The following BMP2K variants were observed in gnomAD, a reference collection of about 807,000 sequenced individuals.
BMP2K encodes BMP-2-inducible protein kinase.
Under a neutral mutation model 116.0 loss-of-function variants are expected in BMP2K, and 74 were observed. The observed-to-expected ratio is 0.64, with a 90% CI of 0.53 to 0.77. The LOEUF (loss-of-function observed/expected upper bound fraction) is 0.77, where lower values mean the gene tolerates loss of function less well. BMP2K is among the 30% of genes least tolerant of loss of function. The pLI, the probability that BMP2K is intolerant of heterozygous loss-of-function variation, is 0.00. For missense variants in BMP2K, 1,365 were observed against 1,403.6 expected (o/e 0.97, Z 0.44); for synonymous variants, 486 against 502.5 (o/e 0.97, Z 0.44).
intron 1 of BMP2K, among the ~76,000 whole-genome samples, chr4:78,808,794 AT>A: frequency 6.6e-6 from 1 of 151,542 alleles, no homozygotes. Context: ...TTGATTTCTA[AT>A]TTACTTTTAT....
chr4:78,783,523 A>G (rs1727601324), intron 1 of BMP2K, among the ~76,000 whole-genome samples: 1 of 152,202 alleles, frequency 6.6e-6, no homozygotes, highest in African/African-American at 2.4e-5. Context: ...TAAATTGTAC[A>G]GGATGGGCAT....
At chr4:78,826,265 G>A in intron 2 of BMP2K, 110 bp downstream of exon 2, 7 of 768,024 alleles carry the variant, frequency 9.1e-6, no homozygotes, top group Non-Finnish European at 1.5e-5. Flanking sequence ...GCAGTGGCGT[G>A]ATCTCAGCTC....
At chr4:78,818,233 G>T (rs1553914860) in intron 1 of BMP2K, among the ~76,000 whole-genome samples, 1 of 150,832 alleles carries the variant, frequency 6.6e-6, no homozygotes, top group Non-Finnish European at 1.5e-5. Flanking sequence ...TCAACCCTTT[G>T]GATATATACC....
intron 13 of BMP2K, among the ~76,000 whole-genome samples, chr4:78,873,658 C>CTGTGTGTGTGTG (rs377226626): frequency 1.6e-3 from 223 of 139,536 alleles, no homozygotes; most frequent in Non-Finnish European, 2.9e-3. Context: ...CTCCCAACCT[C>CTGTGTGTGTGTG]TGTGTGTGTG....
rs942315705 is a variant in BMP2K at position 78,776,627 on chromosome 4, C to T, written c.84C>T (p.Ala28=). The stretch of plus-strand genomic sequence containing the variant: ...GTGGCGGGGCTGGCGGGGCCGGGGC[C>T]GGGGCCGGCTGCGGCTCCGGCGGCT... ...AAGGGAGGAG[A]GAGCGSGGSS... is the part of the protein sequence containing the mutation. The change falls in exon 1 of 16, where the codon GCC becomes GCT. Residue 28 remains alanine, a synonymous_variant. Transcript: ENST00000502613. 4.1e-6 allele frequency: 5 copies of T among 1,208,778 alleles called. No individual in the cohort carries two copies. The highest frequency in any genetic ancestry group is 8.3e-5 in the South Asian group (2 of 24,120). The allele number at this position is 1,208,778 out of a possible 1,614,324, so 74.9% of individuals were successfully genotyped here. A position where few individuals can be genotyped will look rare whatever the true frequency, so the allele number is the denominator to read the frequency against.
At chr4:78,804,082 C>G (rs1413707692) in intron 1 of BMP2K, among the ~76,000 whole-genome samples, 1 of 152,106 alleles carries the variant, frequency 6.6e-6, no homozygotes, top group Non-Finnish European at 1.5e-5. Context: ...TCATCAACCC[C>G]CAAAGAAACC....
intron 14 of BMP2K, among the ~76,000 whole-genome samples, chr4:78,886,831 T>C (rs746763045): frequency 2.0e-5 from 3 of 152,250 alleles, no homozygotes; most frequent in Admixed American, 6.5e-5. Flanking sequence ...TTTTGGAGAC[T>C]GTCTGTCAAA....
chr4:78,911,078 C>G lies in BMP2K; in HGVS notation c.2531C>G (p.Ser844Cys). 6.2e-7 allele frequency: 1 copy of G among 1,613,998 alleles called. No individual in the cohort carries two copies. Among genetic ancestry groups the G allele is most frequent in the East Asian group, 2.2e-5 (1 of 44,874 alleles). Reference protein sequence around the residue: ...TILLTSAQLSSDVAVETPKQE... With the variant: ...TILLTSAQLSCDVAVETPKQE... ...CTCCTCACCTCAGCCCAATTATCCT[C>G]TGATGTTGCAGTGGAGACTCCCAAA... Residue 844 changes from serine (S) to cysteine (C), a missense_variant, in exon 16 of 16, where the codon TCT becomes TGT. Physicochemically the swap from Ser to Cys is moderately radical, Grantham distance 112 (BLOSUM62 -1). Coordinates refer to ENST00000502613, the MANE Select transcript of BMP2K (RefSeq NM_198892.2).
At chr4:78,877,493 T>C (rs1732687165) in intron 13 of BMP2K, among the ~76,000 whole-genome samples, 1 of 152,156 alleles carries the variant, frequency 6.6e-6, no homozygotes, top group African/African-American at 2.4e-5. Context: ...TCAATATCAC[T>C]GTCTTCCACC....
At chr4:78,892,370 G>T (rs943024540) in intron 15 of BMP2K, among the ~76,000 whole-genome samples, 1 of 152,142 alleles carries the variant, frequency 6.6e-6, no homozygotes, top group Non-Finnish European at 1.5e-5. Flanking sequence ...TTATTGACGT[G>T]AAGTTTTTAA....
chr4:78,823,890 A>G (rs553883291), intron 1 of BMP2K, among the ~76,000 whole-genome samples: 1 of 152,304 alleles, frequency 6.6e-6, no homozygotes, highest in Admixed American at 6.5e-5. Context: ...CTCTTTATCT[A>G]GATAAATTCT....
At chr4:78,863,418 T>TTCAA in intron 9 of BMP2K, among the ~76,000 whole-genome samples, 1 of 152,106 alleles carries the variant, frequency 6.6e-6, no homozygotes. Context: ...ATTCTTTGCC[T>TTCAA]TCTTAAAAGG....
Position 78,872,646 on chromosome 4 carries a change from G to T in BMP2K, c.1641G>T (p.Gln547His). The change falls in exon 13 of 16, where the codon CAG becomes CAT. Residue 547 changes from glutamine (Q) to histidine (H), a missense_variant. Coordinates refer to ENST00000502613, the MANE Select transcript of BMP2K (RefSeq NM_198892.2). ...MPQYQQAFFQ[Q>H]QMLAQHQPSQ... Reference sequence around the variant, plus strand: ...AGTATCAGCAGGCTTTCTTTCAACAGCAGATGCTAGCTCAACATCAGCCGT... The same window carrying T: ...AGTATCAGCAGGCTTTCTTTCAACATCAGATGCTAGCTCAACATCAGCCGT... The T allele has an allele frequency of 6.2e-7, 1 of 1,613,962 alleles. No homozygotes were observed. Among genetic ancestry groups the T allele is most frequent in the Non-Finnish European group, 8.5e-7 (1 of 1,179,950 alleles).
chr4:78,844,881 A>AT, intron 4 of BMP2K, 47 bp from the exon 5 acceptor site: 1 of 1,507,918 alleles, frequency 6.6e-7, no homozygotes, highest in South Asian at 1.2e-5. Flanking sequence ...TAAAAAGTTA[A>AT]TTTTCACTTT....
At chr4:78,889,944 C>T (rs1179722306) in intron 15 of BMP2K, among the ~76,000 whole-genome samples, 1 of 152,158 alleles carries the variant, frequency 6.6e-6, no homozygotes, top group Non-Finnish European at 1.5e-5. Flanking sequence ...TTAAGAACCA[C>T]TGTCCTGAAT....
At chr4:78,789,430 A>G (rs920929609) in intron 1 of BMP2K, among the ~76,000 whole-genome samples, 5 of 152,078 alleles carry the variant, frequency 3.3e-5, no homozygotes, top group Admixed American at 2.0e-4. Flanking sequence ...AGCTATAGTC[A>G]TAGCTCCTGT....
chr4:78,781,441 T>G (rs959313231), intron 1 of BMP2K, among the ~76,000 whole-genome samples: 13 of 151,598 alleles, frequency 8.6e-5, no homozygotes, highest in Middle Eastern at 3.4e-3. Flanking sequence ...TTTTTTTTTT[T>G]GAGGTGTTTG....
chr4:78,861,720 G>A (rs1731801332), intron 9 of BMP2K, among the ~76,000 whole-genome samples: 1 of 151,892 alleles, frequency 6.6e-6, no homozygotes, highest in African/African-American at 2.4e-5. Flanking sequence ...ATGTGACAGC[G>A]GGTCTTTTTT....
At chr4:78,865,464 A>C in intron 9 of BMP2K, 93 bp from the exon 10 acceptor site, 5 of 1,217,538 alleles carry the variant, frequency 4.1e-6, no homozygotes, top group Non-Finnish European at 4.7e-6. Context: ...AGTAATAGTT[A>C]AAATGTATCT....
Sources: allele counts gnomAD v4.1 joint callset (sites outside exome capture counted in the v4.1 genomes callset), GRCh38; gene constraint gnomAD v4.1.1; transcripts MANE v1.5; gene names NCBI Gene and HGNC (gene_info 2026-07-23, HGNC 2026-07-21).